The following BMPR1B variants were observed in gnomAD, a reference collection of about 807,000 sequenced individuals.
BMPR1B encodes the protein bone morphogenetic protein receptor type 1B, also known as bone morphogenetic protein receptor type-1B.
BMPR1B carries 12 observed loss-of-function variants against 59.1 expected under a neutral mutation model. That is an observed-to-expected ratio of 0.20 (90% CI 0.13 to 0.33). The LOEUF (loss-of-function observed/expected upper bound fraction) is 0.33. Ranked by LOEUF, BMPR1B falls within the 10% of genes least tolerant of loss-of-function variation. The pLI, the probability that BMPR1B is intolerant of heterozygous loss-of-function variation, is 1.00. For synonymous variants in BMPR1B, 237 were observed against 207.3 expected (o/e 1.14, Z -1.23); for missense variants, 550 against 610.9 (o/e 0.90, Z 1.05).
chr4:94,869,155 G>T (rs868345099), intron 1 of BMPR1B, among the ~76,000 whole-genome samples: 1 of 148,866 alleles, frequency 6.7e-6, no homozygotes, highest in Admixed American at 6.7e-5. Flanking sequence ...TTGCTTTAAA[G>T]GAAGAATAAT....
chr4:94,865,271 A>T (rs1726170152), intron 1 of BMPR1B, among the ~76,000 whole-genome samples: 1 of 152,108 alleles, frequency 6.6e-6, no homozygotes, highest in Non-Finnish European at 1.5e-5. Flanking sequence ...CCTCCCAAAT[A>T]ATCTTCAAGT....
At chr4:95,079,746 GAA>G (rs60486038) in intron 3 of BMPR1B, among the ~76,000 whole-genome samples, 6,547 of 142,530 alleles carry the variant, frequency 0.046, 474 homozygotes, top group African/African-American at 0.16. Flanking sequence ...GGTGTGAAAT[GAA>G]AAAAAAAAAC....
intron 1 of BMPR1B, among the ~76,000 whole-genome samples, chr4:94,809,614 T>TA (rs1723738689): frequency 6.6e-6 from 1 of 152,222 alleles, no homozygotes; most frequent in Non-Finnish European, 1.5e-5. Context: ...CCTATTCACT[T>TA]ATCTCCCTCT....
intron 3 of BMPR1B, among the ~76,000 whole-genome samples, chr4:95,013,646 A>G (rs1723375597): frequency 2.6e-5 from 4 of 152,230 alleles, no homozygotes; most frequent in Admixed American, 2.6e-4. Context: ...TGATACATGG[A>G]ATAGAAGAAA....
At chr4:95,082,814 G>A (rs988829180) in intron 3 of BMPR1B, among the ~76,000 whole-genome samples, 14 of 151,898 alleles carry the variant, frequency 9.2e-5, no homozygotes, top group African/African-American at 2.9e-4. Flanking sequence ...CGAGGCGGGC[G>A]GATCACGAGG....
At chr4:94,983,705 C>T (rs1435237226) in intron 2 of BMPR1B, among the ~76,000 whole-genome samples, 5 of 152,252 alleles carry the variant, frequency 3.3e-5, no homozygotes, top group Non-Finnish European at 7.3e-5. Context: ...TTCTGGTTAA[C>T]GTCTCCTATT....
chr4:94,951,068 T>C (rs1358791828), intron 2 of BMPR1B, among the ~76,000 whole-genome samples: 1 of 152,228 alleles, frequency 6.6e-6, no homozygotes, highest in Admixed American at 6.5e-5. Flanking sequence ...TTGCCCATGA[T>C]TTGGCTCTCT....
intron 7 of BMPR1B, among the ~76,000 whole-genome samples, chr4:95,124,776 T>C (rs969030158): frequency 5.3e-5 from 8 of 152,128 alleles, no homozygotes; most frequent in Non-Finnish European, 2.9e-5. Context: ...AATATGTAGT[T>C]TATTTAGTTT....
intron 2 of BMPR1B, among the ~76,000 whole-genome samples, chr4:94,929,118 AAG>A (rs1436774607): frequency 6.6e-6 from 1 of 152,100 alleles, no homozygotes; most frequent in Non-Finnish European, 1.5e-5. Context: ...ACGATGGCTT[AAG>A]AGATTCCTAA....
intron 2 of BMPR1B, among the ~76,000 whole-genome samples, chr4:94,994,958 T>C (rs532746561): frequency 6.6e-6 from 1 of 152,318 alleles, no homozygotes; most frequent in Admixed American, 6.5e-5. Flanking sequence ...GTTGATTTTC[T>C]TATCTGTAAG....
chr4:94,816,638 A>G (rs189716577), intron 1 of BMPR1B, among the ~76,000 whole-genome samples: 101 of 152,326 alleles, frequency 6.6e-4, no homozygotes, highest in African/African-American at 2.3e-3. Flanking sequence ...AATTAATACA[A>G]AATGAATATA....
intron 2 of BMPR1B, among the ~76,000 whole-genome samples, chr4:94,884,038 C>A (rs527404432): frequency 1.5e-4 from 23 of 152,286 alleles, no homozygotes; most frequent in Admixed American, 8.5e-4. Flanking sequence ...GTATAACTTA[C>A]AGCCTGCTAA....
intron 1 of BMPR1B, among the ~76,000 whole-genome samples, chr4:94,812,165 C>G (rs1375455667): frequency 6.6e-6 from 1 of 150,964 alleles, no homozygotes; most frequent in Non-Finnish European, 1.5e-5. Context: ...GATTAATTCA[C>G]TTAGTACCTA....
intron 1 of BMPR1B, among the ~76,000 whole-genome samples, chr4:94,766,753 G>A (rs148411434): frequency 7.2e-4 from 110 of 151,830 alleles, no homozygotes; most frequent in Non-Finnish European, 7.9e-4. Flanking sequence ...TGAATTGAGA[G>A]CATAATATAC....
intron 6 of BMPR1B, among the ~76,000 whole-genome samples, chr4:95,118,178 A>G (rs1185129344): frequency 1.3e-5 from 2 of 152,082 alleles, no homozygotes; most frequent in African/African-American, 2.4e-5. Flanking sequence ...TGCAGAGTCT[A>G]CTCAGGTAGT....
intron 1 of BMPR1B, among the ~76,000 whole-genome samples, chr4:94,829,397 C>A (rs527608916): frequency 6.6e-6 from 1 of 151,610 alleles, no homozygotes; most frequent in South Asian, 2.1e-4. Flanking sequence ...CCTCAGCCTC[C>A]TGAGTAGCTG....
At chr4:94,938,833 C>T (rs1192176621) in intron 2 of BMPR1B, among the ~76,000 whole-genome samples, 1 of 152,112 alleles carries the variant, frequency 6.6e-6, no homozygotes, top group Admixed American at 6.6e-5. Context: ...CTGCCAGACC[C>T]TGTGTCTACA....
intron 3 of BMPR1B, among the ~76,000 whole-genome samples, chr4:95,019,475 T>G (rs1256183573): frequency 6.6e-6 from 1 of 152,206 alleles, no homozygotes; most frequent in Non-Finnish European, 1.5e-5. Flanking sequence ...AGAATGCATA[T>G]TTTGTTCCTT....
intron 1 of BMPR1B, among the ~76,000 whole-genome samples, chr4:94,818,705 ATTAC>A (rs1482199224): frequency 6.6e-6 from 1 of 152,184 alleles, no homozygotes; most frequent in South Asian, 2.1e-4. Flanking sequence ...ATCCCATGTA[ATTAC>A]TTATAATTGT....
Sources: allele counts gnomAD v4.1 joint callset (sites outside exome capture counted in the v4.1 genomes callset), GRCh38; gene constraint gnomAD v4.1.1; transcripts MANE v1.5; gene names NCBI Gene and HGNC (gene_info 2026-07-23, HGNC 2026-07-21).